Variants in CAMK4 observed in about 807,000 individuals in gnomAD.
CAMK4 encodes calcium/calmodulin-dependent protein kinase type IV.
Under a neutral mutation model 44.9 loss-of-function variants are expected in CAMK4, and 22 were observed. The observed-to-expected ratio is 0.49, with a 90% CI of 0.35 to 0.70. The LOEUF is 0.70. CAMK4 is among the 30% of genes least tolerant of loss of function. CAMK4 has a pLI of 0.01. For missense variants in CAMK4, 498 were observed against 586.8 expected (o/e 0.85, Z 1.56); for synonymous variants, 218 against 215.4 (o/e 1.01, Z -0.11).
At chr5:111,358,535 C>A (rs1221425401) in intron 2 of CAMK4, among the ~76,000 whole-genome samples, 1 of 151,456 alleles carries the variant, frequency 6.6e-6, no homozygotes, top group Non-Finnish European at 1.5e-5. Flanking sequence ...CACAACCTAC[C>A]AATCTGTCAC....
At chr5:111,352,497 A>G (rs1750150468) in intron 2 of CAMK4, among the ~76,000 whole-genome samples, 4 of 152,076 alleles carry the variant, frequency 2.6e-5, no homozygotes, top group South Asian at 4.1e-4. Flanking sequence ...TTGTGCTGCT[A>G]TAACATAACA....
chr5:111,291,570 G>A (rs426599), intron 1 of CAMK4, among the ~76,000 whole-genome samples: 143,914 of 152,250 alleles, frequency 0.95, 68,088 homozygotes, highest in East Asian at 1. Flanking sequence ...TCAGGCTGGA[G>A]TGTAGTAGCA....
At position 111,313,544 on chromosome 5, in the gene CAMK4, A is replaced by G. The variant is rs149460227; in HGVS notation, c.162-30480A>G. 3.3e-3 allele frequency among the ~76,000 whole-genome samples: 496 copies of G among 152,076 alleles called. 5 individuals carry two copies. The highest frequency in any genetic ancestry group is 2.8e-3 in the Non-Finnish European group (187 of 67,966). ...TGAAGTCAGACTGGATCTGAATTCA[A>G]CCTTCCCTCCCTGCTACATGTAAGC... is the stretch of plus-strand genomic sequence containing the variant. On this transcript the variant is annotated intron_variant, in intron 1 of 10. Transcript: ENST00000282356.
rs116183670 is a variant in CAMK4 at position 111,360,861 on chromosome 5, C to A, written c.241-13989C>A. Among the ~76,000 whole-genome samples the A allele has an allele frequency of 4.5e-3, 690 of 152,162 alleles. 7 individuals carry two copies. Among genetic ancestry groups the A allele is most frequent in the African/African-American group, 0.016 (662 of 41,544 alleles). ...AAGAATATATTGCTATGGGGCAACA[C>A]TGACAAAGAAATTTTTTTTATCAAA... On this transcript the variant is annotated intron_variant, in intron 2 of 10. Transcript: ENST00000282356.
intron 2 of CAMK4, among the ~76,000 whole-genome samples, chr5:111,360,753 C>G (rs911526001): frequency 1.3e-5 from 2 of 152,076 alleles, no homozygotes; most frequent in African/African-American, 4.8e-5. Context: ...TTTTGTTTAT[C>G]TGGTCTTTCA....
chr5:111,465,030 C>T (rs56055724), intron 7 of CAMK4, among the ~76,000 whole-genome samples: 1,754 of 152,184 alleles, frequency 0.012, 29 homozygotes, highest in African/African-American at 0.039. Context: ...AATATTGTCC[C>T]GTATATTGAG....
At chr5:111,444,545 A>C (rs1188481853) in intron 5 of CAMK4, among the ~76,000 whole-genome samples, 1 of 152,118 alleles carries the variant, frequency 6.6e-6, no homozygotes, top group African/African-American at 2.4e-5. Context: ...AGAAATGTAC[A>C]TCCAGCTATT....
intron 7 of CAMK4, among the ~76,000 whole-genome samples, chr5:111,455,644 C>A (rs1331875147): frequency 2.6e-5 from 4 of 152,192 alleles, no homozygotes; most frequent in Non-Finnish European, 5.9e-5. Flanking sequence ...CTCATCTACC[C>A]TAAGGCGTGG....
chr5:111,263,076 A>C (rs1561370617), intron 1 of CAMK4, among the ~76,000 whole-genome samples: 1 of 152,232 alleles, frequency 6.6e-6, no homozygotes. Flanking sequence ...AAGAGAAAGG[A>C]AGTAGTAAGA....
chr5:111,234,284 G>A (rs1468075275), intron 1 of CAMK4, among the ~76,000 whole-genome samples: 2 of 152,008 alleles, frequency 1.3e-5, no homozygotes, highest in Admixed American at 1.3e-4. Context: ...AGGGGAAGTG[G>A]GTACATACGT....
At chr5:111,330,528 A>C (rs1749122153) in intron 1 of CAMK4, among the ~76,000 whole-genome samples, 1 of 151,484 alleles carries the variant, frequency 6.6e-6, no homozygotes, top group African/African-American at 2.4e-5. Context: ...GGTAAACATC[A>C]GTGAATTGAT....
At chr5:111,415,386 A>G (rs759290767) in intron 5 of CAMK4, among the ~76,000 whole-genome samples, 13 of 152,224 alleles carry the variant, frequency 8.5e-5, no homozygotes, top group African/African-American at 3.1e-4. Flanking sequence ...TTACTTAATA[A>G]TGTCCCCAAA....
chr5:111,245,674 C>T (rs1470852693), intron 1 of CAMK4, among the ~76,000 whole-genome samples: 1 of 152,186 alleles, frequency 6.6e-6, no homozygotes, highest in Non-Finnish European at 1.5e-5. Flanking sequence ...TATTTTAAAC[C>T]TGTTAACTGT....
chr5:111,494,356 A>G lies in CAMK4; in HGVS notation c.*9890A>G, dbSNP rs1340368213. 2.6e-5 allele frequency: 4 copies of G among 152,206 alleles called. No individual in the cohort carries two copies. Among genetic ancestry groups the G allele is most frequent in the African/African-American group, 9.6e-5 (4 of 41,458 alleles). The allele number at this position is 152,206 out of a possible 1,614,324, so 9.4% of individuals were successfully genotyped here. A position where few individuals can be genotyped will look rare whatever the true frequency, so the allele number is the denominator to read the frequency against. On this transcript the variant is annotated 3_prime_UTR_variant, in exon 11 of 11. Coordinates refer to ENST00000282356, the MANE Select transcript of CAMK4 (RefSeq NM_001744.6). Reference sequence around the variant, plus strand: ...ACAATATGGTGCTATTGACTACTTAATACAAAGATATATTACAATATTTTT... The same window carrying G: ...ACAATATGGTGCTATTGACTACTTAGTACAAAGATATATTACAATATTTTT...
chr5:111,360,456 A>G (rs1034599270), intron 2 of CAMK4, among the ~76,000 whole-genome samples: 5 of 152,062 alleles, frequency 3.3e-5, no homozygotes, highest in Non-Finnish European at 7.4e-5. Flanking sequence ...AGAGGCCAAT[A>G]AATACTGAAC....
chr5:111,409,621 C>T (rs1261552149), intron 5 of CAMK4, among the ~76,000 whole-genome samples: 3 of 152,212 alleles, frequency 2.0e-5, no homozygotes, highest in Non-Finnish European at 4.4e-5. Context: ...AATGTCTCCC[C>T]AGAAAATGGG....
chr5:111,231,874 C>T (rs546149050), intron 1 of CAMK4, among the ~76,000 whole-genome samples: 2 of 152,260 alleles, frequency 1.3e-5, no homozygotes, highest in East Asian at 3.9e-4. Context: ...GACTTGTCCA[C>T]ATGCAGAAGG....
At chr5:111,426,675 G>A (rs1342921213) in intron 5 of CAMK4, among the ~76,000 whole-genome samples, 2 of 152,188 alleles carry the variant, frequency 1.3e-5, no homozygotes, top group African/African-American at 2.4e-5. Flanking sequence ...ATGGTAAGGA[G>A]AGCATCTCTG....
chr5:111,492,191 G>T lies in CAMK4; in HGVS notation c.*7725G>T, dbSNP rs1051094204. ...AAAAACATAGGCATTCATGACCTTT[G>T]TGTTTCCGTTTGACTTTCAACATCT... On this transcript the variant is annotated 3_prime_UTR_variant, in exon 11 of 11. Coordinates refer to ENST00000282356, the MANE Select transcript of CAMK4 (RefSeq NM_001744.6). The T allele has an allele frequency of 3.3e-5, 5 of 152,098 alleles. No individual in the cohort carries two copies. The highest frequency in any genetic ancestry group is 2.6e-4 in the Admixed American group (4 of 15,270). 9.4% of individuals were successfully genotyped at this position (152,098 alleles called of 1,614,324 possible).
Sources: gnomAD v4.1 joint callset for allele counts (sites outside exome capture counted in the v4.1 genomes callset) on GRCh38, gnomAD v4.1.1 for gene constraint, MANE v1.5 for transcripts, NCBI Gene and HGNC (gene_info 2026-07-23, HGNC 2026-07-21) for gene names.